DENND2B: variants seen among roughly 807,000 people sequenced by gnomAD.
The protein encoded by DENND2B is DENN domain-containing protein 2B.
Under a neutral mutation model 116.0 loss-of-function variants are expected in DENND2B, and 32 were observed. The ratio of observed to expected loss-of-function variants is 0.28; its 90% confidence interval spans 0.21 to 0.37. DENND2B has a LOEUF of 0.37. DENND2B is among the 10% of genes least tolerant of loss of function. The pLI, the probability that DENND2B is intolerant of heterozygous loss-of-function variation, is 1.00. For missense variants in DENND2B, 1,276 were observed against 1,477.7 expected (o/e 0.86, Z 2.24); for synonymous variants, 588 against 583.9 (o/e 1.01, Z -0.10).
intron 1 of DENND2B, among the ~76,000 whole-genome samples, chr11:8,800,785 C>G (rs992535694): frequency 5.9e-5 from 9 of 152,130 alleles, no homozygotes; most frequent in African/African-American, 2.2e-4. Flanking sequence ...AGCAAAAGTT[C>G]CTGTTCCCTG....
In DENND2B at chr11:8,731,142, T is replaced by C. The variant is rs371226203; in HGVS notation, c.148A>G (p.Ser50Gly). The C allele has an allele frequency of 1.3e-6, 2 of 1,580,364 alleles. No homozygotes were observed. Among genetic ancestry groups the C allele is most frequent in the African/African-American group, 2.7e-5 (2 of 74,146 alleles). The change falls in exon 3 of 20, where the codon AGT becomes GGT. Residue 50 changes from serine to glycine, a missense_variant. By Grantham distance (56) the Ser-to-Gly change is moderately conservative (BLOSUM62 0). Coordinates refer to ENST00000313726, the MANE Select transcript of DENND2B (RefSeq NM_213618.2). Reference sequence around the variant, plus strand: ...GGGTACCTGCAGGCTGAGGTTTCACTATCACTGAGCGGGTAGATGGGACTC... The same window carrying C: ...GGGTACCTGCAGGCTGAGGTTTCACCATCACTGAGCGGGTAGATGGGACTC... ...PRSPIYPLSD[S>G]ETSACRYPSH...
At chr11:8,804,057 G>T (rs1418626926) in intron 1 of DENND2B, among the ~76,000 whole-genome samples, 4 of 152,240 alleles carry the variant, frequency 2.6e-5, no homozygotes, top group Admixed American at 6.5e-5. Context: ...CGTCTGTGAG[G>T]AGTGAGCATC....
At chr11:8,910,263 A>T (rs889013012) in intron 1 of DENND2B, among the ~76,000 whole-genome samples, 3 of 151,308 alleles carry the variant, frequency 2.0e-5, no homozygotes, top group Non-Finnish European at 4.4e-5. Flanking sequence ...CTCAATCCCG[A>T]GCTGTTCCCT....
chr11:8,712,170 G>C lies in DENND2B; in HGVS notation c.2172+381C>G, dbSNP rs1264589281. ...GGAGAAGTGCGGAGTGACAGCTAGT[G>C]GGTGCAGAGTTTCTCTTTGGGGTGA... On this transcript the variant is annotated intron_variant, in intron 9 of 19. Transcript: ENST00000313726. The surrounding 1 kb of genome is among the most constrained non-coding windows in gnomAD (Gnocchi z 4.4). The C allele has an allele frequency of 2.8e-6, 1 of 363,520 alleles. No individual in the cohort carries two copies. The highest frequency in any genetic ancestry group is 2.1e-5 in the African/African-American group (1 of 47,114). 22.5% of individuals were successfully genotyped at this position (363,520 alleles called of 1,614,324 possible).
upstream of DENND2B, among the ~76,000 whole-genome samples, chr11:8,812,080 T>G (rs973797421): frequency 1.3e-5 from 2 of 152,142 alleles, no homozygotes; most frequent in Non-Finnish European, 2.9e-5. Context: ...CTCAGAGAGA[T>G]TAAACATTTG....
chr11:8,695,827 A>T (rs2040256788), intron 18 of DENND2B: 1 of 490,568 alleles, frequency 2.0e-6, no homozygotes, highest in East Asian at 3.7e-5. Context: ...GAGCTGCCCC[A>T]AGTGGACATC....
Position 8,754,875 on chromosome 11 carries a change from G to A in DENND2B, c.-25-4150C>T, listed in dbSNP as rs1234099654. Among the ~76,000 whole-genome samples, 5 of 152,380 alleles carry A rather than the reference G, an allele frequency of 3.3e-5. No individual in the cohort carries two copies. In the East Asian group the frequency reaches 9.6e-4, roughly 29 times the overall value. Reference sequence around the variant, plus strand: ...TGCCTAGCACTGGTTGAGGGTGGCAGAATGGGACATGGCTGATAGGAGTAC... The same window carrying A: ...TGCCTAGCACTGGTTGAGGGTGGCAAAATGGGACATGGCTGATAGGAGTAC... On this transcript the variant is annotated intron_variant, in intron 1 of 19. Transcript: ENST00000313726.
chr11:8,779,707 T>A lies in DENND2B; in HGVS notation c.-25-28982A>T, dbSNP rs548693322. 3.7e-4 allele frequency among the ~76,000 whole-genome samples: 56 copies of A among 152,082 alleles called. No individual in the cohort carries two copies. The South Asian group carries it at 4.0e-3, about 11-fold the overall frequency. On this transcript the variant is annotated intron_variant, in intron 1 of 19. Coordinates refer to ENST00000313726, the MANE Select transcript of DENND2B (RefSeq NM_213618.2). ...TTTTGTATTTTCAGTAGAGACAGGGTTTCTCCATGTTGGTCAGGCTGGTCT... is the reference window on the plus strand; with the variant it reads ...TTTTGTATTTTCAGTAGAGACAGGGATTCTCCATGTTGGTCAGGCTGGTCT...
At chr11:8,711,855 G>A (rs1565677029) in intron 9 of DENND2B, 4 of 365,426 alleles carry the variant, frequency 1.1e-5, no homozygotes, top group African/African-American at 2.1e-5. Context: ...TAACAAGAGC[G>A]AAACTCCGTC....
intron 4 of DENND2B, chr11:8,719,039 G>A: frequency 2.0e-6 from 2 of 985,664 alleles, no homozygotes; most frequent in Non-Finnish European, 2.4e-6. Flanking sequence ...TCAGCAGCAG[G>A]ATTGAGCCTG....
chr11:8,781,562 A>G (rs2058374823), intron 1 of DENND2B, among the ~76,000 whole-genome samples: 1 of 152,096 alleles, frequency 6.6e-6, no homozygotes, highest in Non-Finnish European at 1.5e-5. Flanking sequence ...ACTCTCATAT[A>G]CTGTTGGATG....
chr11:8,699,365 C>G lies in DENND2B; in HGVS notation c.2746G>C (p.Val916Leu). Residue 916 changes from valine to leucine, a missense_variant, in exon 15 of 20, where the codon GTG becomes CTG. Physicochemically the swap from Val to Leu is conservative, Grantham distance 32. Around this residue, in one of 2 missense-constraint regions of DENND2B, gnomAD observed 420 missense variants for 631.1 expected, o/e 0.67. Transcript: ENST00000313726. The part of the protein sequence containing the change: ...LSTLSSCSHA[V>L]VALLYPFSWQ... ...GAGAAGGGGTAGAGCAAGGCCACCA[C>G]CGCGTGGGAGCAGCTGGAGAGGGTA... 5 of 1,605,346 alleles carry G rather than the reference C, an allele frequency of 3.1e-6. No individual in the cohort carries two copies. The highest frequency in any genetic ancestry group is 4.2e-6 in the Non-Finnish European group (5 of 1,177,844).
In DENND2B at chr11:8,855,262, A is replaced by C. The variant is rs144066451; in HGVS notation, c.-156+2081T>G. On this transcript the variant is annotated intron_variant, in intron 3 of 6. Coordinates refer to the DENND2B transcript ENST00000524757. ...AGCAAACCTCAAACGTGTAGTGTACAAGCTGGCTCCAGATGCCAAGCAAGG... is the reference window on the plus strand; with the variant it reads ...AGCAAACCTCAAACGTGTAGTGTACCAGCTGGCTCCAGATGCCAAGCAAGG... Among the ~76,000 whole-genome samples, 858 of 151,934 alleles carry C rather than the reference A, an allele frequency of 5.6e-3. 3 individuals are homozygous for C. The highest frequency in any genetic ancestry group is 0.01 in the Admixed American group (157 of 15,294).
chr11:8,715,626 G>A lies in DENND2B; in HGVS notation c.1822C>T (p.Arg608Cys), dbSNP rs537720382. 59 of 1,612,974 alleles carry A rather than the reference G, an allele frequency of 3.7e-5. No homozygotes were observed. Among genetic ancestry groups the A allele is most frequent in the African/African-American group, 1.3e-4 (10 of 75,046 alleles). Residue 608 changes from arginine to cysteine, a missense_variant, in exon 6 of 20, where the codon CGC becomes TGC. Physicochemically the swap from Arg to Cys is radical, Grantham distance 180 (BLOSUM62 -3). Transcript: ENST00000313726. ...ACCTTGGGAATGCGGCGGGCCCGGC[G>A]GCTGGACAGCAGCTCGCTGGTGGTG... is the stretch of plus-strand genomic sequence containing the variant. Reference protein sequence around the residue: ...LSTTSELLSSRRARRIPKLVQ... With the variant: ...LSTTSELLSSCRARRIPKLVQ...
intron 1 of DENND2B, among the ~76,000 whole-genome samples, chr11:8,755,153 C>T (rs10769952): frequency 0.58 from 88,416 of 151,984 alleles, 26,623 homozygotes; most frequent in Non-Finnish European, 0.66. Context: ...ACAGCCTAGG[C>T]GAACACCACC....
At chr11:8,839,413 TTTA>T (rs1457314875) in intron 3 of DENND2B, 41 of 152,334 alleles carry the variant, frequency 2.7e-4, no homozygotes, top group African/African-American at 9.4e-4. Flanking sequence ...TCCAATAACC[TTTA>T]AGAAAGGGCT....
At chr11:8,769,239 CTTT>C (rs35488456) in intron 1 of DENND2B, among the ~76,000 whole-genome samples, 8 of 142,542 alleles carry the variant, frequency 5.6e-5, no homozygotes, top group Admixed American at 7.0e-5. Flanking sequence ...AAAGCAACTT[CTTT>C]TTTTTTTTTT....
chr11:8,839,668 G>T (rs184187265), intron 3 of DENND2B, among the ~76,000 whole-genome samples: 1 of 152,194 alleles, frequency 6.6e-6, no homozygotes, highest in African/African-American at 2.4e-5. Flanking sequence ...ACAGAGTGGG[G>T]AAGAGGGAAG....
At chr11:8,718,724 A>G in intron 4 of DENND2B, 1 of 1,120,876 alleles carries the variant, frequency 8.9e-7, no homozygotes, top group Non-Finnish European at 1.1e-6. Context: ...ACTAGTTCTA[A>G]AATCTCTGGC....
Sources: gnomAD v4.1 joint callset for allele counts (sites outside exome capture counted in the v4.1 genomes callset) on GRCh38, gnomAD v4.1.1 for gene constraint, gnomAD v4.1.1 regional missense constraint, Gnocchi (gnomAD v3.1) non-coding constraint, MANE v1.5 for transcripts, NCBI Gene and HGNC (gene_info 2026-07-23, HGNC 2026-07-21) for gene names.